Variants in CEP192 observed in about 807,000 individuals in gnomAD.
CEP192 encodes the protein centrosomal protein 192.
A neutral mutation model predicts 271.8 loss-of-function variants in CEP192; 151 were observed. The ratio of observed to expected loss-of-function variants is 0.56; its 90% CI spans 0.49 to 0.64. The LOEUF (loss-of-function observed/expected upper bound fraction) is 0.64. CEP192 is among the 30% of genes least tolerant of loss of function. The pLI is 0.00. For missense variants in CEP192, 2,910 were observed against 3,020.5 expected (o/e 0.96, Z 0.86); for synonymous variants, 995 against 1,076.5 (o/e 0.92, Z 1.48).
At chr18:13,017,493 TC>T (rs1214439666) in intron 7 of CEP192, among the ~76,000 whole-genome samples, 157 bp downstream of exon 7, 2 of 152,212 alleles carry the variant, frequency 1.3e-5, no homozygotes, top group Non-Finnish European at 2.9e-5. Context: ...GCCTACCCTT[TC>T]TTCCTTCTTG....
chr18:13,099,508 C>T lies in CEP192; in HGVS notation c.6590C>T (p.Ser2197Phe), dbSNP rs779523181. The change falls in exon 37 of 45, where the codon TCC becomes TTC. Residue 2197 changes from serine (S) to phenylalanine (F), a missense_variant. Ser to Phe is a radical substitution (Grantham distance 155). Transcript: ENST00000506447. ...CTACAAATTCTTGTGAGTCCTAATT[C>T]CTCCTTATCCACAAAACAGTCAATG... ...SKLQILVSPN[S>F]SLSTKQSMFP... The T allele has an allele frequency of 4.1e-5, 65 of 1,597,758 alleles. No individual in the cohort carries two copies. Among genetic ancestry groups the T allele is most frequent in the Non-Finnish European group, 5.4e-5 (63 of 1,171,650 alleles).
rs141720115 is a variant in CEP192, at chr18:13,099,569, C to T, written c.6651C>T (p.Asp2217=). Residue 2217 remains aspartate, a synonymous_variant, in exon 37 of 45, where the codon GAC becomes GAT. Coordinates refer to ENST00000506447, the MANE Select transcript of CEP192 (RefSeq NM_032142.4). ...GTGGTTTGATCTATATACACTGTGA[C>T]GATGGACAGAAGGTACTTTTAAAAG... ...PWSGLIYIHC[D]DGQKKIVKVQ... is the part of the protein sequence containing the mutation. 9.7e-4 allele frequency: 1,489 copies of T among 1,539,504 alleles called. 2 individuals are homozygous for T. The highest frequency in any genetic ancestry group is 1.2e-3 in the Non-Finnish European group (1,348 of 1,139,448).
At chr18:13,081,217 AC>A (rs1388810057) in intron 30 of CEP192, among the ~76,000 whole-genome samples, 1 of 152,194 alleles carries the variant, frequency 6.6e-6, no homozygotes, top group Non-Finnish European at 1.5e-5. Context: ...AAGAAATGGT[AC>A]CAGCTCCTCT....
chr18:13,009,611 T>A (rs902042755), intron 4 of CEP192, among the ~76,000 whole-genome samples: 8 of 151,926 alleles, frequency 5.3e-5, no homozygotes, highest in Non-Finnish European at 1.0e-4. Context: ...GGTGGGCAGA[T>A]CACCTGAGGT....
At chr18:13,071,403 G>T (rs1171928515) in intron 28 of CEP192, among the ~76,000 whole-genome samples, 191 bp downstream of exon 28, 3 of 152,186 alleles carry the variant, frequency 2.0e-5, no homozygotes, top group Non-Finnish European at 4.4e-5. Flanking sequence ...CCTGCAAAGA[G>T]CACCTGACGC....
chr18:13,095,582 C>T lies in CEP192; in HGVS notation c.6334C>T (p.Leu2112Phe). The change falls in exon 35 of 45, where the codon CTT becomes TTT. Residue 2112 changes from leucine to phenylalanine, a missense_variant. Coordinates refer to ENST00000506447, the MANE Select transcript of CEP192 (RefSeq NM_032142.4). ...LPVKGPQGSPLLSRAARPPLD... is the reference protein window; with the variant it reads ...LPVKGPQGSPFLSRAARPPLD... ...AGTCAAAGGTCCTCAGGGTTCTCCTCTTCTCTCACGGGCGGCTCGCCCGCC... is the reference window on the plus strand; with the variant it reads ...AGTCAAAGGTCCTCAGGGTTCTCCTTTTCTCTCACGGGCGGCTCGCCCGCC... 1 of 1,614,206 alleles carries T rather than the reference C, an allele frequency of 6.2e-7. No homozygotes were observed. The highest frequency in any genetic ancestry group is 8.5e-7 in the Non-Finnish European group (1 of 1,180,018).
chr18:13,105,202 C>A, intron 40 of CEP192, 123 bp downstream of exon 40: 1 of 713,896 alleles, frequency 1.4e-6, no homozygotes, highest in Non-Finnish European at 2.5e-6. Context: ...AGTCTGCACA[C>A]GAGAGAAGAG....
chr18:12,999,605 C>G lies in CEP192; in HGVS notation c.164+17C>G. 6.6e-7 allele frequency: 1 copy of G among 1,507,150 alleles called. No individual in the cohort carries two copies. Among genetic ancestry groups the G allele is most frequent in the Admixed American group, 2.4e-5 (1 of 41,014 alleles). The allele number at this position is 1,507,150 out of a possible 1,614,324, so 93.4% of individuals were successfully genotyped here. A position where few individuals can be genotyped will look rare whatever the true frequency, so the allele number is the denominator to read the frequency against. ...TGATAACAGGTAAGATTTGTTTGAG[C>G]AGATTTTTTTCCAGGTCCATAAAGC... On this transcript the variant is annotated intron_variant, in intron 2 of 44. Coordinates refer to ENST00000506447, the MANE Select transcript of CEP192 (RefSeq NM_032142.4).
At chr18:13,025,232 AT>A (rs1280472178) in intron 9 of CEP192, among the ~76,000 whole-genome samples, 1 of 151,498 alleles carries the variant, frequency 6.6e-6, no homozygotes, top group Non-Finnish European at 1.5e-5. Flanking sequence ...TATTATTACT[AT>A]TTTGAGACAG....
intron 30 of CEP192, among the ~76,000 whole-genome samples, chr18:13,084,721 T>C (rs750370706): frequency 3.3e-5 from 5 of 152,172 alleles, no homozygotes; most frequent in Non-Finnish European, 7.3e-5. Flanking sequence ...CGCTGGGAGC[T>C]GCAGACCGGA....
At chr18:12,997,130 G>A (rs1321950701) in intron 1 of CEP192, among the ~76,000 whole-genome samples, 1 of 152,158 alleles carries the variant, frequency 6.6e-6, no homozygotes, top group African/African-American at 2.4e-5. Context: ...TAGAGTGGTT[G>A]TCAGTGCAGT....
Position 13,116,449 on chromosome 18 carries a change from G to T in CEP192, c.7362G>T (p.Gly2454=). 1.9e-6 allele frequency: 3 copies of T among 1,611,508 alleles called. No homozygotes were observed. Among genetic ancestry groups the T allele is most frequent in the Non-Finnish European group, 2.5e-6 (3 of 1,179,166 alleles). ...DVYRFRPTSV[G]ESRTLKVNLR... ...ACAGGTTCCGGCCGACTAGTGTGGG[G>T]GAATCACGGACACTTAAAGTCAATC... The change falls in exon 43 of 45, where the codon GGG becomes GGT. Residue 2454 remains glycine (G), a synonymous_variant. Transcript: ENST00000506447.
intron 26 of CEP192, 72 bp from the exon 27 acceptor site, chr18:13,069,666 G>A (rs2037904484): frequency 1.2e-6 from 1 of 822,418 alleles, no homozygotes. Flanking sequence ...ACGCACGTAA[G>A]GCAGGAGCCA....
At chr18:13,039,075 C>T (rs753001828) in intron 13 of CEP192, among the ~76,000 whole-genome samples, 6 of 152,118 alleles carry the variant, frequency 3.9e-5, no homozygotes, top group Non-Finnish European at 8.8e-5. Flanking sequence ...TCCTGTAAAG[C>T]ATGAGTGAGG....
intron 20 of CEP192, 156 bp from the exon 21 acceptor site, chr18:13,058,926 G>A: frequency 4.9e-6 from 3 of 616,204 alleles, no homozygotes; most frequent in Non-Finnish European, 5.8e-6. Flanking sequence ...GTACTTCAGA[G>A]ACCATAAATG....
chr18:13,036,145 CA>C (rs55837148), intron 11 of CEP192, among the ~76,000 whole-genome samples: 250 of 132,732 alleles, frequency 1.9e-3, no homozygotes, highest in Non-Finnish European at 1.9e-3. Flanking sequence ...GACCTTGTCT[CA>C]AAAAAAAAAA....
In CEP192 at chr18:13,069,785, C is replaced by A. The variant is rs752135718; in HGVS notation, c.5103C>A (p.Leu1701=). 1 of 1,601,898 alleles carries A rather than the reference C, an allele frequency of 6.2e-7. No individual in the cohort carries two copies. Among genetic ancestry groups the A allele is most frequent in the Non-Finnish European group, 8.6e-7 (1 of 1,169,356 alleles). Residue 1701 remains leucine, a synonymous_variant, in exon 27 of 45, where the codon CTC becomes CTA. Transcript: ENST00000506447. ...SHFSVDPKNL[L]LKPGEEHEVI... is the part of the protein sequence containing the mutation. ...TTTCAGTGGATCCAAAGAATCTACT[C>A]CTTAAACCTGGAGAAGAACATGAGG...
intron 28 of CEP192, among the ~76,000 whole-genome samples, chr18:13,071,563 T>G (rs1403058392): frequency 6.6e-6 from 1 of 152,182 alleles, no homozygotes; most frequent in Non-Finnish European, 1.5e-5. Flanking sequence ...GATCTAAATT[T>G]CTCAGTCAAC....
At chr18:13,024,392 C>T (rs1030529805) in intron 9 of CEP192, 13 of 451,002 alleles carry the variant, frequency 2.9e-5, no homozygotes, top group African/African-American at 1.4e-4. Context: ...TTCTTGTAGA[C>T]GTCATATACT....
Sources: gnomAD v4.1 joint callset for allele counts (sites outside exome capture counted in the v4.1 genomes callset) on GRCh38, gnomAD v4.1.1 for gene constraint, MANE v1.5 for transcripts, NCBI Gene and HGNC (gene_info 2026-07-23, HGNC 2026-07-21) for gene names.